The following PRDM5 variants were observed in gnomAD, a reference collection of about 807,000 sequenced individuals.
The protein encoded by PRDM5 is PR/SET domain 5.
Under a neutral mutation model 81.2 loss-of-function variants are expected in PRDM5, and 56 were observed. The observed-to-expected ratio is 0.69, with a 90% CI of 0.56 to 0.86. The LOEUF (loss-of-function observed/expected upper bound fraction) is 0.86, where lower values mean the gene tolerates loss of function less well. PRDM5 is among the 40% of genes least tolerant of loss of function. The pLI is 0.00. For synonymous variants in PRDM5, 267 were observed against 256.4 expected, an observed-to-expected ratio of 1.04 and a Z score of -0.39; for missense variants, 697 against 770.1, an observed-to-expected ratio of 0.91 and a Z score of 1.12.
chr4:120,808,129 T>C (rs550127910), intron 8 of PRDM5, among the ~76,000 whole-genome samples: 1 of 152,200 alleles, frequency 6.6e-6, no homozygotes, highest in African/African-American at 2.4e-5. Context: ...GCTTCCACAG[T>C]GTGGAAGGGG....
At chr4:120,833,070 CAG>C (rs1756916275) in intron 3 of PRDM5, among the ~76,000 whole-genome samples, 1 of 152,112 alleles carries the variant, frequency 6.6e-6, no homozygotes, top group Non-Finnish European at 1.5e-5. Context: ...TCAGGGGAAA[CAG>C]AAAAAACAGG....
intron 1 of PRDM5, among the ~76,000 whole-genome samples, chr4:120,912,136 C>G (rs1056017371): frequency 1.1e-4 from 17 of 152,058 alleles, no homozygotes; most frequent in African/African-American, 3.9e-4. Context: ...AACCATTAGG[C>G]AAAAGGTTGA....
At chr4:120,688,189 G>A (rs778142183), downstream of PRDM5, among the ~76,000 whole-genome samples, 2 of 151,672 alleles carry the variant, frequency 1.3e-5, no homozygotes, top group African/African-American at 2.4e-5. Flanking sequence ...GGTGTGAGGT[G>A]ACACTTCATA....
chr4:120,830,927 G>A (rs1756638101), intron 3 of PRDM5, among the ~76,000 whole-genome samples: 2 of 151,832 alleles, frequency 1.3e-5, no homozygotes, highest in African/African-American at 4.8e-5. Context: ...TCTCTGAGGG[G>A]CTCAAGCAGA....
chr4:120,697,892 G>C (rs1359764104), intron 15 of PRDM5, among the ~76,000 whole-genome samples: 1 of 150,856 alleles, frequency 6.6e-6, no homozygotes, highest in Non-Finnish European at 1.5e-5. Context: ...TAAGATCAAG[G>C]CAACTTAGTC....
At chr4:120,880,940 T>C (rs1192325609) in intron 2 of PRDM5, among the ~76,000 whole-genome samples, 1 of 152,100 alleles carries the variant, frequency 6.6e-6, no homozygotes, top group Non-Finnish European at 1.5e-5. Flanking sequence ...AAATATTGTA[T>C]AAATTGAAAA....
rs528833478 is a variant in PRDM5 at position 120,719,234 on chromosome 4, C to T, written c.1624-8821G>A. Among the ~76,000 whole-genome samples the T allele has an allele frequency of 3.3e-5, 5 of 152,356 alleles. No individual in the cohort carries two copies. The South Asian group carries it at 8.3e-4, about 25-fold the overall frequency. ...CAAAATATCTCCCGACATTGCCAAA[C>T]GTCCCCTGGGGGGCAAACCACAGAA... On this transcript the variant is annotated intron_variant, in intron 14 of 15. Coordinates refer to ENST00000264808, the MANE Select transcript of PRDM5 (RefSeq NM_018699.4).
intron 1 of PRDM5, among the ~76,000 whole-genome samples, chr4:120,911,973 G>C (rs1265292183): frequency 6.6e-6 from 1 of 152,038 alleles, no homozygotes; most frequent in Non-Finnish European, 1.5e-5. Context: ...CATAGTTCAG[G>C]CTAACCAGAC....
At chr4:120,730,922 G>A (rs546607554) in intron 14 of PRDM5, among the ~76,000 whole-genome samples, 6 of 152,242 alleles carry the variant, frequency 3.9e-5, no homozygotes, top group Admixed American at 3.3e-4. Flanking sequence ...AAATGGGGCT[G>A]CCCAAGCCAG....
At chr4:120,759,149 A>G (rs920917817) in intron 13 of PRDM5, among the ~76,000 whole-genome samples, 7 of 122,394 alleles carry the variant, frequency 5.7e-5, no homozygotes, top group Non-Finnish European at 1.2e-4. Context: ...GAGCACCTCT[A>G]GTCTAGATGA....
intron 3 of PRDM5, among the ~76,000 whole-genome samples, chr4:120,844,568 G>A (rs575100996): frequency 2.6e-5 from 4 of 152,130 alleles, no homozygotes; most frequent in Non-Finnish European, 5.9e-5. Flanking sequence ...CGTATATAGT[G>A]GCAAGCTTAA....
intron 3 of PRDM5, among the ~76,000 whole-genome samples, chr4:120,842,121 T>C (rs1272083504): frequency 6.6e-6 from 1 of 152,196 alleles, no homozygotes; most frequent in African/African-American, 2.4e-5. Flanking sequence ...GAATTAAAGG[T>C]TCTGCTTGTC....
intron 13 of PRDM5, among the ~76,000 whole-genome samples, chr4:120,755,349 G>A (rs2149157529): frequency 6.6e-6 from 1 of 152,278 alleles, no homozygotes; most frequent in African/African-American, 2.4e-5. Flanking sequence ...ATGCCCTCTT[G>A]TCAAAGCCAA....
chr4:120,794,612 T>C (rs1414615187), intron 10 of PRDM5, among the ~76,000 whole-genome samples: 1 of 151,194 alleles, frequency 6.6e-6, no homozygotes, highest in Non-Finnish European at 1.5e-5. Flanking sequence ...CTTTACTCTA[T>C]ATTTTATATT....
chr4:120,763,142 T>G (rs1456801478), intron 13 of PRDM5, among the ~76,000 whole-genome samples: 1 of 152,058 alleles, frequency 6.6e-6, no homozygotes, highest in Non-Finnish European at 1.5e-5. Flanking sequence ...TCTGAAGAGA[T>G]GCCAACTCAA....
chr4:120,908,247 T>C (rs527716472), intron 1 of PRDM5, among the ~76,000 whole-genome samples: 8 of 152,340 alleles, frequency 5.3e-5, no homozygotes, highest in African/African-American at 1.9e-4. Flanking sequence ...CAAGTAACAC[T>C]CTTTTCTCTC....
At chr4:120,850,818 T>C (rs775600133) in intron 3 of PRDM5, among the ~76,000 whole-genome samples, 10 of 152,120 alleles carry the variant, frequency 6.6e-5, no homozygotes, top group Non-Finnish European at 1.5e-4. Flanking sequence ...ACAGTTGATA[T>C]AGAGGAAGAA....
chr4:120,833,001 A>G (rs563622265), intron 3 of PRDM5, among the ~76,000 whole-genome samples: 2 of 152,288 alleles, frequency 1.3e-5, no homozygotes, highest in African/African-American at 4.8e-5. Flanking sequence ...TATAATGTGC[A>G]GAGTATTGAA....
chr4:120,893,379 G>T (rs1056052324), intron 2 of PRDM5, among the ~76,000 whole-genome samples: 1 of 152,136 alleles, frequency 6.6e-6, no homozygotes, highest in South Asian at 2.1e-4. Flanking sequence ...TGGCCAGCAG[G>T]GTCAGTATTC....
Sources: allele counts gnomAD v4.1 joint callset (sites outside exome capture counted in the v4.1 genomes callset), GRCh38; gene constraint gnomAD v4.1.1; transcripts MANE v1.5; gene names NCBI Gene and HGNC (gene_info 2026-07-23, HGNC 2026-07-21).